UNC5D: variants seen among roughly 807,000 people sequenced by gnomAD.
UNC5D encodes unc-5 netrin receptor D.
UNC5D carries 39 observed loss-of-function variants against 105.4 expected under a neutral mutation model. The observed-to-expected ratio is 0.37, with a 90% CI of 0.29 to 0.48. The LOEUF (loss-of-function observed/expected upper bound fraction) is 0.48. Among genes scored for constraint, UNC5D ranks in the 20% least tolerant of loss-of-function variants. The pLI is 0.98. For synonymous variants in UNC5D, 452 were observed against 450.4 expected (o/e 1.00, Z -0.04); for missense variants, 991 against 1,202.4 (o/e 0.82, Z 2.60).
chr8:35,271,390 C>T (rs1219187453), intron 1 of UNC5D, among the ~76,000 whole-genome samples: 4 of 133,242 alleles, frequency 3.0e-5, no homozygotes, highest in African/African-American at 8.3e-5. Flanking sequence ...TATGTACACA[C>T]ATGCACGTGT....
intron 4 of UNC5D, among the ~76,000 whole-genome samples, chr8:35,631,870 A>T (rs1822062865): frequency 6.6e-6 from 1 of 152,250 alleles, no homozygotes; most frequent in Non-Finnish European, 1.5e-5. Flanking sequence ...CTGTTTTAAC[A>T]TTACCTTGAC....
At chr8:35,378,493 C>T (rs936650993) in intron 1 of UNC5D, among the ~76,000 whole-genome samples, 1 of 152,124 alleles carries the variant, frequency 6.6e-6, no homozygotes, top group Non-Finnish European at 1.5e-5. Context: ...AGGCTCACCC[C>T]CTTCAGTTTG....
intron 1 of UNC5D, among the ~76,000 whole-genome samples, chr8:35,248,290 G>A (rs1266464655): frequency 9.2e-6 from 1 of 109,142 alleles, no homozygotes; most frequent in Non-Finnish European, 1.6e-5. Context: ...ATAAATATAT[G>A]TTATATAAAA....
chr8:35,286,427 T>C (rs1806602375), intron 1 of UNC5D, among the ~76,000 whole-genome samples: 1 of 152,170 alleles, frequency 6.6e-6, no homozygotes, highest in African/African-American at 2.4e-5. Flanking sequence ...CTTCCCCACA[T>C]TTGCCAGGTG....
chr8:35,259,270 A>G (rs1804282486), intron 1 of UNC5D, among the ~76,000 whole-genome samples: 1 of 152,162 alleles, frequency 6.6e-6, no homozygotes, highest in African/African-American at 2.4e-5. Flanking sequence ...TCTTCAGAGA[A>G]GGGAGAGGAG....
At chr8:35,616,859 C>A (rs1052371591) in intron 4 of UNC5D, among the ~76,000 whole-genome samples, 1 of 152,142 alleles carries the variant, frequency 6.6e-6, no homozygotes, top group Non-Finnish European at 1.5e-5. Context: ...TTTAAAGAAA[C>A]CTCATATAAG....
At chr8:35,752,763 A>C (rs751082741) in intron 13 of UNC5D, among the ~76,000 whole-genome samples, 2 of 152,216 alleles carry the variant, frequency 1.3e-5, no homozygotes, top group Non-Finnish European at 2.9e-5. Flanking sequence ...TACTACTACT[A>C]ACCAGTTATA....
intron 1 of UNC5D, among the ~76,000 whole-genome samples, chr8:35,403,648 G>A (rs900116758): frequency 5.3e-5 from 8 of 152,162 alleles, no homozygotes; most frequent in African/African-American, 1.9e-4. Flanking sequence ...CATCATGTTG[G>A]CACTGAACAA....
At chr8:35,527,825 C>A (rs1388873169) in intron 1 of UNC5D, among the ~76,000 whole-genome samples, 1 of 152,128 alleles carries the variant, frequency 6.6e-6, no homozygotes, top group Non-Finnish European at 1.5e-5. Flanking sequence ...AGCCACCACT[C>A]TTGGCCTCTC....
At chr8:35,733,759 G>A (rs1283057170) in intron 11 of UNC5D, among the ~76,000 whole-genome samples, 1 of 152,188 alleles carries the variant, frequency 6.6e-6, no homozygotes, top group Admixed American at 6.5e-5. Context: ...GAACTGGTAT[G>A]TTAAATCAGG....
At chr8:35,534,344 A>G (rs1261295909) in intron 1 of UNC5D, among the ~76,000 whole-genome samples, 3 of 152,024 alleles carry the variant, frequency 2.0e-5, no homozygotes. Flanking sequence ...AATGTTTTTT[A>G]ATGACATGAT....
chr8:35,267,303 A>C (rs994113111), intron 1 of UNC5D, among the ~76,000 whole-genome samples: 2 of 152,162 alleles, frequency 1.3e-5, no homozygotes, highest in African/African-American at 4.8e-5. Context: ...GACATTAAAA[A>C]TCTTCAACCA....
At chr8:35,267,036 A>G (rs1016401627) in intron 1 of UNC5D, among the ~76,000 whole-genome samples, 1 of 152,072 alleles carries the variant, frequency 6.6e-6, no homozygotes, top group African/African-American at 2.4e-5. Flanking sequence ...CTAGTTGGAA[A>G]TAATGTCAAC....
intron 13 of UNC5D, among the ~76,000 whole-genome samples, chr8:35,754,018 T>C (rs1333482570): frequency 6.6e-6 from 1 of 152,234 alleles, no homozygotes; most frequent in African/African-American, 2.4e-5. Context: ...AATCATTTCA[T>C]AGTGTGATAG....
At position 35,656,759 on chromosome 8, in the gene UNC5D, C is replaced by A. The variant is rs139541761; in HGVS notation, c.571-26788C>A. ...CATTTCTCAATGTGTAAAGTATCTA[C>A]TCTAGGCCACACACAGGGAGCTTTA... On this transcript the variant is annotated intron_variant, in intron 4 of 16. Transcript: ENST00000404895. Among the ~76,000 whole-genome samples, 4 of 152,162 alleles carry A rather than the reference C, an allele frequency of 2.6e-5. No individual in the cohort carries two copies. In the East Asian group the frequency reaches 7.8e-4, roughly 30 times the overall value.
chr8:35,415,317 T>G (rs1805457796), intron 1 of UNC5D, among the ~76,000 whole-genome samples: 1 of 152,158 alleles, frequency 6.6e-6, no homozygotes, highest in Non-Finnish European at 1.5e-5. Context: ...TGATGTGAAG[T>G]TAGCATTCAA....
At chr8:35,662,328 T>A (rs1456920515) in intron 4 of UNC5D, among the ~76,000 whole-genome samples, 1 of 152,156 alleles carries the variant, frequency 6.6e-6, no homozygotes, top group African/African-American at 2.4e-5. Context: ...ACCCCTGCTT[T>A]ATTGAAGTTG....
intron 1 of UNC5D, among the ~76,000 whole-genome samples, chr8:35,342,012 G>A (rs544301495): frequency 3.3e-5 from 5 of 151,694 alleles, no homozygotes; most frequent in East Asian, 1.9e-4. Flanking sequence ...TTTTTTCCCC[G>A]TTGTTTAAGT....
chr8:35,494,949 G>C (rs559279568), intron 1 of UNC5D, among the ~76,000 whole-genome samples: 1 of 152,084 alleles, frequency 6.6e-6, no homozygotes, highest in Admixed American at 6.6e-5. Flanking sequence ...CTATATTTTA[G>C]ATTTTCTTCT....
Sources: gnomAD v4.1 joint callset for allele counts (sites outside exome capture counted in the v4.1 genomes callset) on GRCh38, gnomAD v4.1.1 for gene constraint, MANE v1.5 for transcripts, NCBI Gene and HGNC (gene_info 2026-07-23, HGNC 2026-07-21) for gene names.